Variants in C1QTNF12 observed in about 807,000 individuals in gnomAD.
C1QTNF12 encodes C1q and TNF related 12, also known as adipolin.
A neutral mutation model predicts 34.3 loss-of-function variants in C1QTNF12; 39 were observed. That is an observed-to-expected ratio of 1.14 (90% confidence interval 0.88 to 1.49). The LOEUF (loss-of-function observed/expected upper bound fraction) is 1.49, where lower values mean the gene tolerates loss of function less well. C1QTNF12 is among the 40% of genes most tolerant of loss of function. C1QTNF12 has a pLI of 0.00. For missense variants in C1QTNF12, 497 were observed against 424.7 expected (o/e 1.17, Z -1.50); for synonymous variants, 220 against 196.9 (o/e 1.12, Z -0.98).
At chr1:1,245,396 T>C (rs1387429298) in intron 1 of C1QTNF12, among the ~76,000 whole-genome samples, 1 of 146,584 alleles carries the variant, frequency 6.8e-6, no homozygotes, top group Non-Finnish European at 1.5e-5. Context: ...ATCTGGGGGC[T>C]GAGAGCCAGA....
At position 1,246,543 on chromosome 1, in the gene C1QTNF12, A is replaced by T; in HGVS notation, c.148T>A (p.Ser50Thr). The T allele has an allele frequency of 1.6e-6, 2 of 1,237,980 alleles. No homozygotes were observed. Among genetic ancestry groups the T allele is most frequent in the South Asian group, 3.7e-5 (1 of 27,156 alleles). The allele number at this position is 1,237,980 out of a possible 1,614,324, so 76.7% of individuals were successfully genotyped here. Residue 50 changes from serine (S) to threonine (T), a missense_variant, in exon 1 of 8, where the codon TCC becomes ACC. By Grantham distance (58) the Ser-to-Thr change is moderately conservative. Transcript: ENST00000330388. This position sits in a 1 kb window ranked among gnomAD's most constrained non-coding sequence, Gnocchi z 4.5. ...GGGGCCTCGGGCAGCCCCTCGCGGG[A>T]GGACGCGCTGGCGGTGGCGTTGGGG... ...DPPNATASAS[S>T]REGLPEAPKP...
intron 4 of C1QTNF12, 27 bp downstream of exon 4, chr1:1,243,927 C>A: frequency 6.3e-7 from 1 of 1,594,140 alleles, no homozygotes; most frequent in South Asian, 1.1e-5. Context: ...ACCCAACACC[C>A]CGCTCTAAGC....
rs768125989 is a variant in C1QTNF12 at position 1,243,951 on chromosome 1, C to T, written c.531+3G>A. The stretch of plus-strand genomic sequence containing the variant: ...CCCGCTCTAAGCTCCCGGCTCCACT[C>T]ACAGCCTGGAAACCATGCAGCTCCA... On this transcript the variant is annotated splice_donor_region_variant and intron_variant, in intron 4 of 7. Transcript: ENST00000330388. 55 of 1,607,108 alleles carry T rather than the reference C, an allele frequency of 3.4e-5. No individual in the cohort carries two copies. Among genetic ancestry groups the T allele is most frequent in the Non-Finnish European group, 4.0e-5 (47 of 1,177,608 alleles).
In C1QTNF12 at chr1:1,243,064, G is replaced by A; in HGVS notation, c.729C>T (p.His243=). ...GAGCGGGGGCTGAGGTCACTCACGT[G>A]TGGCGCTGGCACAGGGACTCAATAC... ...LICIESLCQR[H]TCLEAVSGLE... The change falls in exon 6 of 8, where the codon CAC becomes CAT. Residue 243 remains histidine, a splice_region_variant and synonymous_variant. Transcript: ENST00000330388. 1 of 1,580,154 alleles carries A rather than the reference G, an allele frequency of 6.3e-7. No homozygotes were observed.
chr1:1,246,781 C>T (rs1277335022), upstream of C1QTNF12: 67 of 1,009,332 alleles, frequency 6.6e-5, no homozygotes, highest in Admixed American at 1.4e-4. This position sits in a 1 kb window ranked among gnomAD's most constrained non-coding sequence, Gnocchi z 4.5. Context: ...CGCGCGGGGG[C>T]GAGGCCCAGG....
At chr1:1,242,968 A>T in intron 6 of C1QTNF12, 55 bp from the exon 7 acceptor site, 1 of 1,584,590 alleles carries the variant, frequency 6.3e-7, no homozygotes, top group South Asian at 1.1e-5. Flanking sequence ...GGGGGCCAAG[A>T]CCTGCTCCAG....
At position 1,242,624 on chromosome 1, in the gene C1QTNF12, A is replaced by T; in HGVS notation, c.833T>A (p.Phe278Tyr). 6.3e-7 allele frequency: 1 copy of T among 1,595,800 alleles called. No homozygotes were observed. The highest frequency in any genetic ancestry group is 2.3e-5 in the East Asian group (1 of 44,094). ...QLQAGQYASVFVDNGSGAVLT... is the reference protein window; with the variant it reads ...QLQAGQYASVYVDNGSGAVLT... The stretch of plus-strand genomic sequence containing the variant: ...GACGGCCCCGGAGCCATTGTCCACA[A>T]ACACAGAAGCGTACTGTCCAGCCTG... The change falls in exon 8 of 8, where the codon TTT becomes TAT. Residue 278 changes from phenylalanine (F) to tyrosine (Y), a missense_variant. Physicochemically the swap from Phe to Tyr is conservative, Grantham distance 22. Coordinates refer to ENST00000330388, the MANE Select transcript of C1QTNF12 (RefSeq NM_001014980.3).
rs115005664 is a variant in C1QTNF12 at position 1,243,468 on chromosome 1, G to A, written c.616C>T (p.Gln206Ter). 7.0e-4 allele frequency: 1,087 copies of A among 1,558,736 alleles called. 9 individuals carry two copies. The African/African-American group carries it at 0.013, about 19-fold the overall frequency. ...CCCACGTGCAGACTGGCAGAGAACTGGAAGATGCCGGACACGGGGGCCGTG... is the reference window on the plus strand; with the variant it reads ...CCCACGTGCAGACTGGCAGAGAACTAGAAGATGCCGGACACGGGGGCCGTG... ...RFTAPVSGIF[Q>*]FSASLHVDHS... The change falls in exon 5 of 8, where the codon CAG (glutamine) becomes TAG (stop). Residue 206 changes from glutamine (Q) to a stop codon, truncating the protein, a stop_gained. Coordinates refer to ENST00000330388, the MANE Select transcript of C1QTNF12 (RefSeq NM_001014980.3). LOFTEE classifies it high-confidence loss of function.
intron 7 of C1QTNF12, 36 bp from the exon 8 acceptor site, chr1:1,242,682 C>T (rs1638769679): frequency 6.4e-7 from 1 of 1,569,692 alleles, no homozygotes; most frequent in African/African-American, 1.4e-5. Flanking sequence ...ACCGCAGCCA[C>T]AGCCCAGCCA....
Position 1,243,441 on chromosome 1 carries a change from C to CA in C1QTNF12, c.640+2dup, listed in dbSNP as rs1570509888. The stretch of plus-strand genomic sequence containing the variant: ...GCACACGGCACTGCCCCATCCGGCT[C>CA]ACCCACGTGCAGACTGGCAGAGAAC... On this transcript the variant is annotated splice_region_variant and intron_variant, in intron 5 of 7. Coordinates refer to ENST00000330388, the MANE Select transcript of C1QTNF12 (RefSeq NM_001014980.3). 1.3e-6 allele frequency: 2 copies of CA among 1,551,808 alleles called. No individual in the cohort carries two copies. Among genetic ancestry groups the CA allele is most frequent in the East Asian group, 4.9e-5 (2 of 41,044 alleles).
rs993726276 is a variant in C1QTNF12, at chr1:1,246,598, C to T, written c.93G>A (p.Arg31=). Residue 31 remains arginine, a synonymous_variant, in exon 1 of 8, where the codon AGG becomes AGA. Coordinates refer to ENST00000330388, the MANE Select transcript of C1QTNF12 (RefSeq NM_001014980.3). The surrounding 1 kb of genome is among the most constrained non-coding windows in gnomAD (Gnocchi z 4.5). ...CTGCGCGCTGGCCAGGCTGCTGCGT[C>T]CTCTGTGCCTCCCGCCGGGCCCCGA... ...GGVGARREAQ[R]TQQPGQRADP... The T allele has an allele frequency of 2.6e-5, 33 of 1,247,464 alleles. No homozygotes were observed. The African/African-American group carries it at 4.5e-4, about 17-fold the overall frequency. 77.3% of individuals were successfully genotyped at this position (1,247,464 alleles called of 1,614,324 possible). A position where few individuals can be genotyped will look rare whatever the true frequency, so the allele number is the denominator to read the frequency against.
chr1:1,242,485 G>A lies in C1QTNF12; in HGVS notation c.*63C>T, dbSNP rs564828917. ...GAGGGCTCTTTATTGTGGTGACCAC[G>A]GGCATCAGTAGGAGGGTCCCCGGGA... On this transcript the variant is annotated 3_prime_UTR_variant, in exon 8 of 8. Coordinates refer to ENST00000330388, the MANE Select transcript of C1QTNF12 (RefSeq NM_001014980.3). 7.4e-5 allele frequency: 93 copies of A among 1,254,884 alleles called. No individual in the cohort carries two copies. In the African/African-American group the frequency reaches 9.1e-4, roughly 12 times the overall value. The allele number at this position is 1,254,884 out of a possible 1,614,324, so 77.7% of individuals were successfully genotyped here. A position where few individuals can be genotyped will look rare whatever the true frequency, so the allele number is the denominator to read the frequency against.
intron 5 of C1QTNF12, 70 bp from the exon 6 acceptor site, chr1:1,243,222 GGC>G (rs1316550786): frequency 9.5e-7 from 1 of 1,056,234 alleles, no homozygotes; most frequent in Admixed American, 2.2e-5. Context: ...GGGGCTTCAG[GGC>G]ACACATCCCA....
At chr1:1,244,303 G>T (rs1414947546) in intron 2 of C1QTNF12, 28 bp from the exon 3 acceptor site, 1 of 1,589,154 alleles carries the variant, frequency 6.3e-7, no homozygotes, top group East Asian at 2.3e-5. Context: ...CAGGTGAGGG[G>T]CCCAGTGGGA....
At chr1:1,242,989 C>A (rs1166446715) in intron 6 of C1QTNF12, 73 bp downstream of exon 6, 4 of 1,560,058 alleles carry the variant, frequency 2.6e-6, no homozygotes, top group Middle Eastern at 1.7e-4. Context: ...TGCCCAGAGA[C>A]CCCTGTGGCC....
In C1QTNF12 at chr1:1,244,206, G is replaced by A; in HGVS notation, c.364C>T (p.Gln122Ter). 2 of 1,591,806 alleles carry A rather than the reference G, an allele frequency of 1.3e-6. No individual in the cohort carries two copies. The highest frequency in any genetic ancestry group is 8.6e-7 in the Non-Finnish European group (1 of 1,169,230). Reference sequence around the variant, plus strand: ...GGCGGCTGACCTTTCAGCAGCTCCTGAAACTCGTGAAGCAGAGTCTCCGCG... The same window carrying A: ...GGCGGCTGACCTTTCAGCAGCTCCTAAAACTCGTGAAGCAGAGTCTCCGCG... Reference protein sequence around the residue: ...VTAETLLHEFQELLKEATERR... With the variant: ...VTAETLLHEF The change falls in exon 3 of 8, where the codon CAG becomes TAG. Residue 122 changes from glutamine to a stop codon, truncating the protein, a stop_gained. Coordinates refer to ENST00000330388, the MANE Select transcript of C1QTNF12 (RefSeq NM_001014980.3). LOFTEE classifies it high-confidence loss of function.
In C1QTNF12 at chr1:1,242,551, C is replaced by T. The variant is rs915016655; in HGVS notation, c.906G>A (p.Thr302=). 1.2e-5 allele frequency: 19 copies of T among 1,562,782 alleles called. No individual in the cohort carries two copies. The highest frequency in any genetic ancestry group is 6.8e-5 in the African/African-American group (5 of 73,808). The change falls in exon 8 of 8, where the codon ACG becomes ACA. Residue 302 remains threonine, a synonymous_variant. Transcript: ENST00000330388. ...TCGCCAGCCCCCCTGGGCGCCCTCA[C>T]GTGCCCAGGAGCAGCCCGGAGAAGC... The part of the protein sequence containing the change: ...GSSFSGLLLG[T]
chr1:1,244,727 A>G lies in C1QTNF12; in HGVS notation c.178-230T>C. On this transcript the variant is annotated intron_variant, in intron 1 of 7. Transcript: ENST00000330388. ...CAGAGCCTGATGCCCTGAGCCCCTC[A>G]CTCCTCCCCCACTCCTCCCCCTCCT... is the stretch of plus-strand genomic sequence containing the variant. 4 of 393,660 alleles carry G rather than the reference A, an allele frequency of 1.0e-5. 1 individual carries two copies. The highest frequency in any genetic ancestry group is 1.8e-5 in the Non-Finnish European group (4 of 226,288). The allele number at this position is 393,660 out of a possible 1,614,324, so 24.4% of individuals were successfully genotyped here.
chr1:1,246,041 C>A lies in C1QTNF12; in HGVS notation c.177+473G>T, dbSNP rs1229769488. 6.6e-6 allele frequency among the ~76,000 whole-genome samples: 1 copy of A among 152,074 alleles called. No homozygotes were observed. Among genetic ancestry groups the A allele is most frequent in the Non-Finnish European group, 1.5e-5 (1 of 67,980 alleles). ...CTTAACCCGCAAGAGGGGGTGCTAG[C>A]TACACAGGACCCCCAGAAAGCACAA... is the stretch of plus-strand genomic sequence containing the variant. On this transcript the variant is annotated intron_variant, in intron 1 of 7. Transcript: ENST00000330388. This position sits in a 1 kb window ranked among gnomAD's most constrained non-coding sequence, Gnocchi z 4.5.
Sources: gnomAD v4.1 joint callset for allele counts (sites outside exome capture counted in the v4.1 genomes callset) on GRCh38, gnomAD v4.1.1 for gene constraint, Gnocchi (gnomAD v3.1) non-coding constraint, MANE v1.5 for transcripts, NCBI Gene and HGNC (gene_info 2026-07-23, HGNC 2026-07-21) for gene names.